Variants in HMGA2 observed in about 807,000 individuals in gnomAD.
HMGA2 encodes high mobility group AT-hook 2.
In HMGA2, 8 loss-of-function variants were observed where a neutral mutation model predicts 19.1. The observed-to-expected ratio is 0.42, with a 90% CI of 0.25 to 0.76. The LOEUF (loss-of-function observed/expected upper bound fraction) is 0.76, where lower values mean the gene tolerates loss of function less well. Among genes scored for constraint, HMGA2 ranks in the 30% least tolerant of loss-of-function variants. HMGA2 has a pLI of 0.28. For synonymous variants in HMGA2, 60 were observed against 48.8 expected, an observed-to-expected ratio of 1.23 and a Z score of -0.96; for missense variants, 109 against 136.3, an observed-to-expected ratio of 0.80 and a Z score of 1.00.
At chr12:65,919,797 G>T (rs370938756) in intron 3 of HMGA2, among the ~76,000 whole-genome samples, 1 of 152,236 alleles carries the variant, frequency 6.6e-6, no homozygotes, top group African/African-American at 2.4e-5. Context: ...ACCAGATGGT[G>T]TTCAGATTTG....
intron 3 of HMGA2, among the ~76,000 whole-genome samples, chr12:65,928,587 C>T (rs1348059740): frequency 1.3e-5 from 2 of 152,152 alleles, no homozygotes; most frequent in African/African-American, 4.8e-5. Flanking sequence ...TAAAACTTCA[C>T]TTAAAACACA....
At chr12:65,840,990 G>A (rs1870971002) in intron 3 of HMGA2, among the ~76,000 whole-genome samples, 2 of 151,998 alleles carry the variant, frequency 1.3e-5, no homozygotes, top group Non-Finnish European at 2.9e-5. Flanking sequence ...ACCTTCCTAT[G>A]GCTCCACATC....
chr12:65,865,489 CTT>C (rs1286963887), intron 3 of HMGA2, among the ~76,000 whole-genome samples: 14 of 152,128 alleles, frequency 9.2e-5, no homozygotes, highest in Non-Finnish European at 1.8e-4. Flanking sequence ...TAAATTGAAA[CTT>C]AAGTTAGTCT....
chr12:65,852,044 T>A (rs543307818), intron 3 of HMGA2, among the ~76,000 whole-genome samples: 1 of 152,022 alleles, frequency 6.6e-6, no homozygotes, highest in Non-Finnish European at 1.5e-5. Flanking sequence ...CAAGGTACAG[T>A]TTGTACAAAT....
chr12:65,886,859 G>A (rs1873679501), intron 3 of HMGA2, among the ~76,000 whole-genome samples: 1 of 152,084 alleles, frequency 6.6e-6, no homozygotes, highest in South Asian at 2.1e-4. Context: ...ATCTTATCTT[G>A]AACATACTCT....
chr12:65,940,616 G>A (rs150440440), intron 3 of HMGA2, among the ~76,000 whole-genome samples: 48 of 152,058 alleles, frequency 3.2e-4, no homozygotes, highest in African/African-American at 1.1e-3. Flanking sequence ...GATTTTCTTC[G>A]TAAAAAAAAT....
At chr12:65,861,434 A>T (rs1872061474) in intron 3 of HMGA2, among the ~76,000 whole-genome samples, 1 of 152,244 alleles carries the variant, frequency 6.6e-6, no homozygotes, top group Non-Finnish European at 1.5e-5. Context: ...ATTGTATTGG[A>T]TGGATAAAAC....
Position 65,824,713 on chromosome 12 carries a change from TTCTCTCTCTCTCTCTCTCTCTCTCTC to T in HMGA2, c.-527_-502del, listed in dbSNP as rs60786450. ...CCAAGGCACTTTCAATCTCAATCTCTTCTCTCTCTCTCTCTCTCTCTCTCTCTCTCTCTCTCTCTCTCTCTCTCTCT... is the reference window on the plus strand; with the variant it reads ...CCAAGGCACTTTCAATCTCAATCTCTTCTCTCTCTCTCTCTCTCTCTCTCT... On this transcript the variant is annotated 5_prime_UTR_variant, in exon 1 of 5. Coordinates refer to ENST00000403681, the MANE Select transcript of HMGA2 (RefSeq NM_003483.6). 2.5e-4 allele frequency: 36 copies of T among 145,050 alleles called. No homozygotes were observed. The highest frequency in any genetic ancestry group is 6.5e-4 in the African/African-American group (19 of 29,236). 9.0% of individuals were successfully genotyped at this position (145,050 alleles called of 1,614,324 possible). A position where few individuals can be genotyped will look rare whatever the true frequency, so the allele number is the denominator to read the frequency against.
In HMGA2 at chr12:65,872,146, T is replaced by C. The variant is rs1872741573; in HGVS notation, c.249+33577T>C. Among the ~76,000 whole-genome samples, 6 of 152,132 alleles carry C rather than the reference T, an allele frequency of 3.9e-5. No homozygotes were observed. In the South Asian group the frequency reaches 1.2e-3, roughly 32 times the overall value. On this transcript the variant is annotated intron_variant, in intron 3 of 4. Coordinates refer to ENST00000403681, the MANE Select transcript of HMGA2 (RefSeq NM_003483.6). ...TCTGCCCCCTTCATCCTTCCTAGGGTCCCCCTACACAAAATCCTCTAAATA... is the reference window on the plus strand; with the variant it reads ...TCTGCCCCCTTCATCCTTCCTAGGGCCCCCCTACACAAAATCCTCTAAATA...
intron 3 of HMGA2, among the ~76,000 whole-genome samples, chr12:65,925,157 T>C (rs905329476): frequency 6.6e-6 from 1 of 152,312 alleles, no homozygotes; most frequent in Non-Finnish European, 1.5e-5. Flanking sequence ...CAATTAATTT[T>C]GAGTAGCTCA....
intron 3 of HMGA2, among the ~76,000 whole-genome samples, chr12:65,879,827 A>T (rs1873269708): frequency 6.6e-6 from 1 of 152,222 alleles, no homozygotes; most frequent in South Asian, 2.1e-4. Flanking sequence ...TTGGGTGGGA[A>T]CAGGGTGCAA....
intron 3 of HMGA2, among the ~76,000 whole-genome samples, chr12:65,923,948 T>C (rs1239593777): frequency 6.6e-6 from 1 of 152,098 alleles, no homozygotes; most frequent in Non-Finnish European, 1.5e-5. Flanking sequence ...GGGCGGAGGT[T>C]GCAGTGAGCC....
intron 3 of HMGA2, among the ~76,000 whole-genome samples, chr12:65,921,662 G>A (rs1377339439): frequency 2.6e-5 from 4 of 152,242 alleles, no homozygotes; most frequent in African/African-American, 9.6e-5. Context: ...GCCAGCTGCA[G>A]AAATTTGCAT....
intron 3 of HMGA2, among the ~76,000 whole-genome samples, chr12:65,918,930 C>T (rs942517047): frequency 3.3e-5 from 5 of 152,078 alleles, no homozygotes; most frequent in Non-Finnish European, 7.4e-5. Context: ...AGTGGGCTGA[C>T]TACAATTTTC....
At chr12:65,863,226 C>G (rs1295395607) in intron 3 of HMGA2, among the ~76,000 whole-genome samples, 1 of 152,208 alleles carries the variant, frequency 6.6e-6, no homozygotes, top group African/African-American at 2.4e-5. Context: ...TTTTGTTGTG[C>G]AATTAGCTTT....
intron 3 of HMGA2, among the ~76,000 whole-genome samples, chr12:65,924,816 AT>A (rs1565734163): frequency 6.6e-6 from 1 of 152,134 alleles, no homozygotes; most frequent in African/African-American, 2.4e-5. Flanking sequence ...AAAAAAAGTA[AT>A]TGTGAAGTCT....
At chr12:65,871,604 A>C (rs1017444075) in intron 3 of HMGA2, among the ~76,000 whole-genome samples, 2 of 152,200 alleles carry the variant, frequency 1.3e-5, no homozygotes, top group African/African-American at 4.8e-5. Flanking sequence ...ATGAAGCAGA[A>C]AATGTTTTCT....
At chr12:65,901,942 C>T (rs1006940263) in intron 3 of HMGA2, among the ~76,000 whole-genome samples, 2 of 152,102 alleles carry the variant, frequency 1.3e-5, no homozygotes, top group Admixed American at 6.5e-5. Context: ...TATGTGAAAA[C>T]GAAGTGTTTT....
intron 3 of HMGA2, among the ~76,000 whole-genome samples, chr12:65,898,546 C>T (rs1264105212): frequency 6.6e-6 from 1 of 151,962 alleles, no homozygotes; most frequent in African/African-American, 2.4e-5. Context: ...TTTAAAATAT[C>T]GGTGTTATCT....
Sources: gnomAD v4.1 joint callset for allele counts (sites outside exome capture counted in the v4.1 genomes callset) on GRCh38, gnomAD v4.1.1 for gene constraint, MANE v1.5 for transcripts, NCBI Gene and HGNC (gene_info 2026-07-23, HGNC 2026-07-21) for gene names.